Variants in TRAPPC9 observed in about 807,000 individuals in gnomAD.
TRAPPC9 encodes the protein trafficking protein particle complex subunit 9, also known as IKK2 binding protein.
A neutral mutation model predicts 124.0 loss-of-function variants in TRAPPC9; 83 were observed. The ratio of observed to expected loss-of-function variants is 0.67; its 90% CI spans 0.56 to 0.80. The LOEUF is 0.80. Among genes scored for constraint, TRAPPC9 ranks in the 30% least tolerant of loss-of-function variants. TRAPPC9 has a pLI of 0.00. For synonymous variants in TRAPPC9, 638 were observed against 617.5 expected (o/e 1.03, Z -0.49); for missense variants, 1,302 against 1,508.3 (o/e 0.86, Z 2.27).
intron 10 of TRAPPC9, among the ~76,000 whole-genome samples, chr8:140,310,965 G>A (rs113193085): frequency 7.9e-5 from 12 of 152,140 alleles, no homozygotes; most frequent in African/African-American, 2.9e-4. Flanking sequence ...TGTAGTGGTC[G>A]CAAGGCAGGC....
intron 10 of TRAPPC9, chr8:140,302,870 T>C (rs532002833): frequency 1.3e-5 from 2 of 152,300 alleles, no homozygotes; most frequent in South Asian, 4.1e-4. Context: ...AGTAGCAAGG[T>C]GGGGCCAGCC....
chr8:139,807,245 T>C (rs1455307121), intron 21 of TRAPPC9, among the ~76,000 whole-genome samples: 1 of 152,162 alleles, frequency 6.6e-6, no homozygotes, highest in East Asian at 1.9e-4. Flanking sequence ...ACACCATTGT[T>C]GCCAAGGCCA....
chr8:140,339,717 C>A (rs186786011), intron 9 of TRAPPC9, among the ~76,000 whole-genome samples: 1 of 152,354 alleles, frequency 6.6e-6, no homozygotes, highest in East Asian at 1.9e-4. Context: ...TACCACTTCA[C>A]TATGGCTTCA....
chr8:140,300,736 G>A (rs1344837511), intron 10 of TRAPPC9, 122 bp from the exon 11 acceptor site: 2 of 1,246,282 alleles, frequency 1.6e-6, no homozygotes, highest in African/African-American at 2.9e-5. Context: ...ATAAATGGAG[G>A]GAGGAAAAGC....
intron 17 of TRAPPC9, among the ~76,000 whole-genome samples, chr8:140,080,576 T>G (rs1456585412): frequency 6.6e-6 from 1 of 152,168 alleles, no homozygotes; most frequent in Non-Finnish European, 1.5e-5. Context: ...CACTCTCATG[T>G]TGACTGATCC....
intron 16 of TRAPPC9, among the ~76,000 whole-genome samples, chr8:140,226,902 G>A (rs2063468511): frequency 6.6e-6 from 1 of 150,832 alleles, no homozygotes; most frequent in Admixed American, 6.6e-5. Flanking sequence ...CCTCCTTTTT[G>A]GACACAGACC....
chr8:140,420,697 A>T (rs1197932693), intron 5 of TRAPPC9, among the ~76,000 whole-genome samples: 1 of 152,060 alleles, frequency 6.6e-6, no homozygotes, highest in Non-Finnish European at 1.5e-5. Flanking sequence ...CCTACTGCTT[A>T]AAAAAATGTA....
chr8:140,378,543 T>G (rs2068514468), intron 7 of TRAPPC9, among the ~76,000 whole-genome samples: 1 of 152,200 alleles, frequency 6.6e-6, no homozygotes, highest in African/African-American at 2.4e-5. Context: ...AACCTTGTAA[T>G]CATGTGAGTT....
At chr8:140,139,447 G>T (rs578177090) in intron 17 of TRAPPC9, among the ~76,000 whole-genome samples, 1 of 152,136 alleles carries the variant, frequency 6.6e-6, no homozygotes, top group South Asian at 2.1e-4. Flanking sequence ...CCAACAGAAC[G>T]ATGTGAATAC....
chr8:140,367,107 C>G (rs1272822309), intron 8 of TRAPPC9, among the ~76,000 whole-genome samples: 1 of 152,180 alleles, frequency 6.6e-6, no homozygotes, highest in East Asian at 1.9e-4. Context: ...CAGGAACTCT[C>G]ATTCATTGCT....
rs2063193411 is a variant in TRAPPC9 at position 140,216,321 on chromosome 8, G to T, written c.2556+5138C>A. Reference sequence around the variant, plus strand: ...ATCTCTATCTATATACATTTATAATGATTCCAAAGAAAAACAGCACATTCA... The same window carrying T: ...ATCTCTATCTATATACATTTATAATTATTCCAAAGAAAAACAGCACATTCA... On this transcript the variant is annotated intron_variant, in intron 17 of 22. Coordinates refer to ENST00000438773, the MANE Select transcript of TRAPPC9 (RefSeq NM_001160372.4). This position sits in a 1 kb window ranked among gnomAD's most constrained non-coding sequence, Gnocchi z 4.1. Among the ~76,000 whole-genome samples the T allele has an allele frequency of 6.6e-6, 1 of 152,074 alleles. No individual in the cohort carries two copies. The highest frequency in any genetic ancestry group is 1.5e-5 in the Non-Finnish European group (1 of 68,026).
intron 7 of TRAPPC9, among the ~76,000 whole-genome samples, chr8:140,391,944 T>G (rs2068937538): frequency 6.6e-6 from 1 of 151,264 alleles, no homozygotes; most frequent in South Asian, 2.1e-4. Context: ...GAGAATTGCT[T>G]GAACCCAAGA....
chr8:140,453,977 C>A (rs2977456), intron 1 of TRAPPC9, among the ~76,000 whole-genome samples: 6 of 152,146 alleles, frequency 3.9e-5, no homozygotes, highest in African/African-American at 1.4e-4. Context: ...CCGCAGGTAA[C>A]AAAGGGCCTT....
chr8:139,765,741 G>A (rs1033811914), intron 21 of TRAPPC9, among the ~76,000 whole-genome samples: 1 of 152,172 alleles, frequency 6.6e-6, no homozygotes, highest in African/African-American at 2.4e-5. Context: ...ACAACCATAG[G>A]AGTGGACACA....
chr8:140,381,088 C>T lies in TRAPPC9; in HGVS notation c.1135-9908G>A, dbSNP rs2068592915. Among the ~76,000 whole-genome samples, 4 of 151,694 alleles carry T rather than the reference C, an allele frequency of 2.6e-5. No individual in the cohort carries two copies. In the South Asian group the frequency reaches 8.3e-4, roughly 32 times the overall value. On this transcript the variant is annotated intron_variant, in intron 7 of 22. Coordinates refer to ENST00000438773, the MANE Select transcript of TRAPPC9 (RefSeq NM_001160372.4). ...TGTGTGGTGGTGTATGCCTGTAATCCCAGCTACTTGGGAGGCTGAGGCAGG... is the reference window on the plus strand; with the variant it reads ...TGTGTGGTGGTGTATGCCTGTAATCTCAGCTACTTGGGAGGCTGAGGCAGG...
At chr8:139,967,939 G>C (rs1587365154) in intron 19 of TRAPPC9, among the ~76,000 whole-genome samples, 1 of 152,186 alleles carries the variant, frequency 6.6e-6, no homozygotes, top group East Asian at 1.9e-4. Flanking sequence ...AGGAGTTCCA[G>C]ACCAGTCTGG....
At chr8:140,349,355 AGGGAAG>A (rs1482297669) in intron 9 of TRAPPC9, among the ~76,000 whole-genome samples, 33 of 91,366 alleles carry the variant, frequency 3.6e-4, no homozygotes, top group Non-Finnish European at 1.6e-4. Context: ...GGGGCGCGCG[AGGGAAG>A]GGCGCGCGAG....
intron 19 of TRAPPC9, among the ~76,000 whole-genome samples, chr8:139,925,263 G>A (rs937707110): frequency 4.6e-5 from 7 of 152,224 alleles, no homozygotes; most frequent in East Asian, 1.9e-4. Context: ...ACTGGAGGCC[G>A]AAACTCTAAC....
intron 7 of TRAPPC9, among the ~76,000 whole-genome samples, chr8:140,389,347 GTATAT>G (rs1327815600): frequency 6.6e-6 from 1 of 152,166 alleles, no homozygotes; most frequent in Non-Finnish European, 1.5e-5. Context: ...TAAAAATAAA[GTATAT>G]TATACATTAC....
Sources: gnomAD v4.1 joint callset for allele counts (sites outside exome capture counted in the v4.1 genomes callset) on GRCh38, gnomAD v4.1.1 for gene constraint, Gnocchi (gnomAD v3.1) non-coding constraint, MANE v1.5 for transcripts, NCBI Gene and HGNC (gene_info 2026-07-23, HGNC 2026-07-21) for gene names.